Variants in ELN observed in about 807,000 individuals in gnomAD.
ELN encodes elastin, also known as tropoelastin.
In ELN, 65 loss-of-function variants were observed where a neutral mutation model predicts 105.8. The observed-to-expected ratio is 0.61, with a 90% CI of 0.50 to 0.75. ELN has a LOEUF of 0.75. Among genes scored for constraint, ELN ranks in the 30% least tolerant of loss-of-function variants. The probability of loss-of-function intolerance (pLI) is 0.00; values close to 1 mark genes in which losing one functional copy is unlikely to be tolerated. For synonymous variants in ELN, 368 were observed against 389.2 expected, an observed-to-expected ratio of 0.95 and a Z score of 0.64; for missense variants, 882 against 969.4, an observed-to-expected ratio of 0.91 and a Z score of 1.20.
chr7:74,069,739 GAA>G lies in ELN; in HGVS notation c.*1047_*1048del. Reference sequence around the variant, plus strand: ...TTTGGTTTTATTGTTGTGGTTCATTGAAAAAAAAAGATAATTTTTTTTTCTGA... The same window carrying G: ...TTTGGTTTTATTGTTGTGGTTCATTGAAAAAAAGATAATTTTTTTTTCTGA... On this transcript the variant is annotated 3_prime_UTR_variant, in exon 33 of 33. Coordinates refer to ENST00000252034, the MANE Select transcript of ELN (RefSeq NM_000501.4). 4.4e-6 allele frequency: 1 copy of G among 225,044 alleles called. No individual in the cohort carries two copies. The highest frequency in any genetic ancestry group is 6.3e-5 in the East Asian group (1 of 15,834). The allele number at this position is 225,044 out of a possible 1,614,324, so 13.9% of individuals were successfully genotyped here.
At chr7:74,054,631 C>T in intron 18 of ELN, 85 bp from the exon 19 acceptor site, 4 of 1,408,740 alleles carry the variant, frequency 2.8e-6, no homozygotes, top group Non-Finnish European at 4.0e-6. Context: ...TGGCCCAACA[C>T]ACAGATGGGT....
chr7:74,050,707 A>G (rs1223003532), intron 15 of ELN, among the ~76,000 whole-genome samples: 1 of 152,064 alleles, frequency 6.6e-6, no homozygotes, highest in African/African-American at 2.4e-5. Flanking sequence ...CCACCCATCC[A>G]TATCAGAGAT....
chr7:74,035,160 T>C (rs1490378640), intron 1 of ELN, among the ~76,000 whole-genome samples: 1 of 152,224 alleles, frequency 6.6e-6, no homozygotes, highest in Non-Finnish European at 1.5e-5. Flanking sequence ...CACAGGCCGA[T>C]TTCAAAGAGC....
chr7:74,031,568 G>A (rs918958056), intron 1 of ELN, among the ~76,000 whole-genome samples: 1 of 152,036 alleles, frequency 6.6e-6, no homozygotes. Context: ...AAGGAGCCTT[G>A]AGAAATCCAG....
chr7:74,052,117 C>T (rs1410158282), intron 17 of ELN, 134 bp downstream of exon 17: 2 of 993,810 alleles, frequency 2.0e-6, no homozygotes, highest in Non-Finnish European at 3.0e-6. Context: ...CTTACCTTTG[C>T]CCCTTCTGAT....
At chr7:74,057,966 C>T (rs1354168808) in intron 22 of ELN, among the ~76,000 whole-genome samples, 1 of 152,134 alleles carries the variant, frequency 6.6e-6, no homozygotes, top group African/African-American at 2.4e-5. Flanking sequence ...GACCTGACCT[C>T]ATGCTGAGCT....
At chr7:74,031,797 A>G (rs1307577039) in intron 1 of ELN, among the ~76,000 whole-genome samples, 1 of 147,952 alleles carries the variant, frequency 6.8e-6, no homozygotes, top group African/African-American at 2.5e-5. Context: ...AAAAGAAAGA[A>G]AGAGAGAGAG....
intron 29 of ELN, among the ~76,000 whole-genome samples, chr7:74,064,647 C>T (rs1284394403): frequency 5.3e-5 from 8 of 152,062 alleles, no homozygotes; most frequent in African/African-American, 1.7e-4. Context: ...ATGTGGCAAA[C>T]GGGAGCTGGG....
chr7:74,067,199 T>A (rs552078114), intron 32 of ELN, among the ~76,000 whole-genome samples: 1 of 151,606 alleles, frequency 6.6e-6, no homozygotes, highest in African/African-American at 2.4e-5. Context: ...GGCAGGTGGA[T>A]CACGAGGTCA....
At position 74,046,864 on chromosome 7, in the gene ELN, A is replaced by C. The variant is rs1792681950; in HGVS notation, c.643+97A>C. 1.5e-5 allele frequency: 21 copies of C among 1,383,848 alleles called. No individual in the cohort carries two copies. The South Asian group carries it at 2.0e-4, about 13-fold the overall frequency. The allele number at this position is 1,383,848 out of a possible 1,614,324, so 85.7% of individuals were successfully genotyped here. On this transcript the variant is annotated intron_variant, in intron 12 of 32. Transcript: ENST00000252034. Reference sequence around the variant, plus strand: ...TTTGGGAGGCTAAGGCGGGCAGATCACTTGAGGTCAGGAGTTCAAGACTAG... The same window carrying C: ...TTTGGGAGGCTAAGGCGGGCAGATCCCTTGAGGTCAGGAGTTCAAGACTAG...
intron 15 of ELN, among the ~76,000 whole-genome samples, chr7:74,048,895 C>T (rs904938020): frequency 6.6e-6 from 1 of 151,828 alleles, no homozygotes; most frequent in East Asian, 1.9e-4. Flanking sequence ...ATCTCTCCCT[C>T]CATCCATTCA....
chr7:74,046,702 G>A lies in ELN; in HGVS notation c.578G>A (p.Gly193Glu). Residue 193 changes from glycine to glutamate, a missense_variant, in exon 12 of 33, where the codon GGA (glycine) becomes GAA (glutamate). Physicochemically the swap from Gly to Glu is moderately conservative, Grantham distance 98. Transcript: ENST00000252034. ...GGAFAGIPGV[G>E]PFGGPQPGVP... ...GCTCTCTTTATTCCCACAGGAGTTGGACCCTTTGGGGGACCGCAACCTGGA... is the reference window on the plus strand; with the variant it reads ...GCTCTCTTTATTCCCACAGGAGTTGAACCCTTTGGGGGACCGCAACCTGGA... 1 of 1,614,190 alleles carries A rather than the reference G, an allele frequency of 6.2e-7. No individual in the cohort carries two copies. Among genetic ancestry groups the A allele is most frequent in the Non-Finnish European group, 8.5e-7 (1 of 1,180,018 alleles).
chr7:74,051,099 G>A (rs781987338), intron 15 of ELN, among the ~76,000 whole-genome samples: 2 of 152,176 alleles, frequency 1.3e-5, no homozygotes, highest in Non-Finnish European at 2.9e-5. Flanking sequence ...GGGTGGAGTG[G>A]GCATCTGTCC....
At chr7:74,066,054 C>G (rs1302144996) in intron 31 of ELN, 57 bp downstream of exon 31, 3 of 1,608,362 alleles carry the variant, frequency 1.9e-6, no homozygotes, top group Non-Finnish European at 2.6e-6. Context: ...CTAGAGGGGG[C>G]CTGTCCATCT....
intron 4 of ELN, among the ~76,000 whole-genome samples, chr7:74,040,952 G>T (rs1791064095): frequency 6.6e-6 from 1 of 152,190 alleles, no homozygotes; most frequent in South Asian, 2.1e-4. Context: ...AATCTTGTTA[G>T]CCAGCAGGGC....
At chr7:74,052,930 G>T (rs576261878) in intron 17 of ELN, 3 of 581,836 alleles carry the variant, frequency 5.2e-6, no homozygotes, top group Non-Finnish European at 9.0e-6. Flanking sequence ...GAAAAGAAAA[G>T]AAAAAGAAAG....
rs541019815 is a variant in ELN at position 74,041,798 on chromosome 7, C to A, written c.232+547C>A. Among the ~76,000 whole-genome samples the A allele has an allele frequency of 5.3e-4, 80 of 152,232 alleles. 2 individuals are homozygous for A. In the Middle Eastern group the frequency reaches 0.02, roughly 39 times the overall value. ...CAGTCTCAGCTCCCCGCACCTGGTG[C>A]AGTTGATCTCAGCTCACCACAACCT... is the stretch of plus-strand genomic sequence containing the variant. On this transcript the variant is annotated intron_variant, in intron 5 of 32. Transcript: ENST00000252034.
intron 4 of ELN, among the ~76,000 whole-genome samples, chr7:74,040,225 G>A (rs553943189): frequency 1.3e-5 from 2 of 152,346 alleles, no homozygotes; most frequent in South Asian, 2.1e-4. Flanking sequence ...GGAAAGGTCT[G>A]AGCATGTCCC....
chr7:74,030,605 T>C, intron 1 of ELN, among the ~76,000 whole-genome samples: 1 of 152,032 alleles, frequency 6.6e-6, no homozygotes, highest in East Asian at 1.9e-4. Flanking sequence ...CGCTGTGTTG[T>C]CCAGGCTGGT....
Sources: gnomAD v4.1 joint callset for allele counts (sites outside exome capture counted in the v4.1 genomes callset) on GRCh38, gnomAD v4.1.1 for gene constraint, MANE v1.5 for transcripts, NCBI Gene and HGNC (gene_info 2026-07-23, HGNC 2026-07-21) for gene names.